The following SLC24A3 variants were observed in gnomAD, a reference collection of about 807,000 sequenced individuals.
SLC24A3 encodes sodium/potassium/calcium exchanger 3.
In SLC24A3, 28 loss-of-function variants were observed where a neutral mutation model predicts 75.8. That is an observed-to-expected ratio of 0.37 (90% CI 0.27 to 0.51). SLC24A3 has a LOEUF of 0.51. SLC24A3 is among the 20% of genes least tolerant of loss of function. The pLI, the probability that SLC24A3 is intolerant of heterozygous loss-of-function variation, is 0.94. For missense variants in SLC24A3, 663 were observed against 847.8 expected (o/e 0.78, Z 2.71); for synonymous variants, 372 against 334.1 (o/e 1.11, Z -1.24).
intron 1 of SLC24A3, among the ~76,000 whole-genome samples, chr20:19,229,090 G>A (rs186625398): frequency 6.6e-6 from 1 of 152,242 alleles, no homozygotes; most frequent in Admixed American, 6.5e-5. Flanking sequence ...ACTTTTCTGT[G>A]TGGGTAATTT....
intron 6 of SLC24A3, among the ~76,000 whole-genome samples, chr20:19,606,711 G>A (rs2031602157): frequency 1.3e-5 from 2 of 152,226 alleles, no homozygotes; most frequent in Admixed American, 1.3e-4. Context: ...GCCAGGGAAG[G>A]TCATGAACCA....
intron 2 of SLC24A3, among the ~76,000 whole-genome samples, chr20:19,349,144 T>A (rs923195251): frequency 6.6e-6 from 1 of 152,196 alleles, no homozygotes; most frequent in Admixed American, 6.5e-5. Context: ...ATACAATTTC[T>A]AAATTTCTTC....
chr20:19,515,637 G>A (rs1450028674), intron 3 of SLC24A3, 73 bp downstream of exon 3: 1 of 1,474,528 alleles, frequency 6.8e-7, no homozygotes, highest in Non-Finnish European at 9.5e-7. Context: ...TGGCACCTGA[G>A]GTGCCCCCAG....
chr20:19,641,170 C>T (rs768137561), intron 6 of SLC24A3, among the ~76,000 whole-genome samples: 3 of 152,156 alleles, frequency 2.0e-5, no homozygotes, highest in Non-Finnish European at 4.4e-5. Flanking sequence ...CCTGAGCCCC[C>T]ATTTAAGTTG....
intron 2 of SLC24A3, among the ~76,000 whole-genome samples, chr20:19,300,797 G>A (rs1233313621): frequency 1.3e-5 from 2 of 152,096 alleles, no homozygotes; most frequent in Non-Finnish European, 2.9e-5. Flanking sequence ...TTGTGACCTA[G>A]AGGCAGGCAG....
intron 15 of SLC24A3, among the ~76,000 whole-genome samples, chr20:19,714,424 AAAC>A (rs752874078): frequency 0.024 from 3,271 of 135,860 alleles, 93 homozygotes; most frequent in South Asian, 0.057. Context: ...AAAAAAAAAA[AAAC>A]AACAAAAAGA....
intron 2 of SLC24A3, among the ~76,000 whole-genome samples, chr20:19,354,626 G>A (rs1313203247): frequency 5.4e-5 from 8 of 147,204 alleles, no homozygotes; most frequent in Admixed American, 5.3e-4. Context: ...GTGTGTGTAT[G>A]TGTGTATGAC....
chr20:19,475,858 A>G (rs560205836), intron 2 of SLC24A3, among the ~76,000 whole-genome samples: 23 of 152,344 alleles, frequency 1.5e-4, no homozygotes, highest in African/African-American at 5.5e-4. Flanking sequence ...TTCCTACTCT[A>G]TACTTGGAAA....
intron 2 of SLC24A3, among the ~76,000 whole-genome samples, chr20:19,323,509 C>G (rs955236481): frequency 6.6e-6 from 1 of 152,118 alleles, no homozygotes; most frequent in African/African-American, 2.4e-5. Flanking sequence ...CCTCAAGAAC[C>G]AATGGAATAA....
chr20:19,591,727 A>G (rs1352208368), intron 6 of SLC24A3, among the ~76,000 whole-genome samples: 2 of 152,218 alleles, frequency 1.3e-5, no homozygotes, highest in African/African-American at 4.8e-5. Context: ...AGGTTAATCA[A>G]GAACCACATA....
Position 19,717,551 on chromosome 20 carries a change from G to A in SLC24A3, c.1743G>A (p.Leu581=). ...GSYIRLNSRG[L]IYSVGLLLAS... is the part of the protein sequence containing the mutation. ...AGATCCGGCTGAATAGCAGGGGGCTGATCTACTCCGTAGGCTTGCTCCTGG... is the reference window on the plus strand; with the variant it reads ...AGATCCGGCTGAATAGCAGGGGGCTAATCTACTCCGTAGGCTTGCTCCTGG... Residue 581 remains leucine (L), a synonymous_variant, in exon 16 of 17, where the codon CTG becomes CTA. Coordinates refer to ENST00000328041, the MANE Select transcript of SLC24A3 (RefSeq NM_020689.4). 1 of 1,614,170 alleles carries A rather than the reference G, an allele frequency of 6.2e-7. No homozygotes were observed. The highest frequency in any genetic ancestry group is 8.5e-7 in the Non-Finnish European group (1 of 1,179,996).
At chr20:19,495,140 A>G (rs996364043) in intron 2 of SLC24A3, among the ~76,000 whole-genome samples, 1 of 152,094 alleles carries the variant, frequency 6.6e-6, no homozygotes, top group Non-Finnish European at 1.5e-5. Flanking sequence ...TCTTCTAGGC[A>G]TTTCTGGGTG....
chr20:19,536,903 C>A (rs1470312548), intron 3 of SLC24A3, among the ~76,000 whole-genome samples: 1 of 152,018 alleles, frequency 6.6e-6, no homozygotes, highest in East Asian at 1.9e-4. Flanking sequence ...TTACATGTTA[C>A]ACCTAAAACC....
intron 6 of SLC24A3, among the ~76,000 whole-genome samples, chr20:19,621,453 C>T (rs768357832): frequency 3.9e-5 from 6 of 152,150 alleles, no homozygotes; most frequent in Non-Finnish European, 8.8e-5. Flanking sequence ...AATACTGTTC[C>T]CCTAGGAACC....
chr20:19,290,160 A>G (rs890007095), intron 2 of SLC24A3, among the ~76,000 whole-genome samples: 1 of 152,092 alleles, frequency 6.6e-6, no homozygotes, highest in African/African-American at 2.4e-5. Context: ...TCTGGGTTGT[A>G]ACAAGCCCTC....
chr20:19,221,991 C>T (rs893361686), intron 1 of SLC24A3, among the ~76,000 whole-genome samples: 6 of 152,102 alleles, frequency 3.9e-5, no homozygotes, highest in Non-Finnish European at 7.4e-5. Flanking sequence ...TGTTTGACTT[C>T]CTGGATTGAC....
intron 3 of SLC24A3, among the ~76,000 whole-genome samples, chr20:19,537,068 C>T (rs1253906361): frequency 1.3e-5 from 2 of 152,190 alleles, no homozygotes; most frequent in South Asian, 2.1e-4. Context: ...GCAAAAGAAA[C>T]TGCCATCAGA....
intron 2 of SLC24A3, among the ~76,000 whole-genome samples, chr20:19,400,442 C>A (rs187640245): frequency 2.2e-4 from 33 of 152,268 alleles, no homozygotes; most frequent in Non-Finnish European, 3.7e-4. Context: ...TTCCATTTTC[C>A]AGTCTTGCTG....
intron 2 of SLC24A3, among the ~76,000 whole-genome samples, chr20:19,513,895 ATG>A (rs920815475): frequency 6.6e-6 from 1 of 151,980 alleles, no homozygotes; most frequent in African/African-American, 2.4e-5. Context: ...GTTATCATTT[ATG>A]TGTGTGTGTT....
Sources: allele counts gnomAD v4.1 joint callset (sites outside exome capture counted in the v4.1 genomes callset), GRCh38; gene constraint gnomAD v4.1.1; transcripts MANE v1.5; gene names NCBI Gene and HGNC (gene_info 2026-07-23, HGNC 2026-07-21).